ZBTB7C: variants seen among roughly 807,000 people sequenced by gnomAD.
ZBTB7C encodes zinc finger and BTB domain containing 7C, also known as zinc finger and BTB domain-containing protein 7C.
A neutral mutation model predicts 25.7 loss-of-function variants in ZBTB7C; 8 were observed. The observed-to-expected ratio is 0.31, with a 90% CI of 0.18 to 0.56. The LOEUF is 0.56. ZBTB7C is among the 20% of genes least tolerant of loss of function. ZBTB7C has a pLI of 0.91. For synonymous variants in ZBTB7C, 394 were observed against 369.0 expected (o/e 1.07, Z -0.78); for missense variants, 824 against 855.2 (o/e 0.96, Z 0.46).
chr18:48,293,187 G>C (rs781679680), intron 2 of ZBTB7C, among the ~76,000 whole-genome samples: 9 of 152,208 alleles, frequency 5.9e-5, no homozygotes, highest in Non-Finnish European at 1.0e-4. Flanking sequence ...ATTGCTCCCA[G>C]TTCTGAAGGC....
At chr18:48,376,722 G>A (rs984740458) in intron 1 of ZBTB7C, among the ~76,000 whole-genome samples, 3 of 152,188 alleles carry the variant, frequency 2.0e-5, no homozygotes, top group African/African-American at 7.2e-5. Flanking sequence ...TGGCTGTAAG[G>A]CCTGTCCAGC....
At chr18:48,286,721 T>C (rs1296294411) in intron 2 of ZBTB7C, among the ~76,000 whole-genome samples, 1 of 152,118 alleles carries the variant, frequency 6.6e-6, no homozygotes, top group Non-Finnish European at 1.5e-5. Flanking sequence ...AACACCAGCC[T>C]TGCACCTCAA....
intron 4 of ZBTB7C, among the ~76,000 whole-genome samples, chr18:48,031,919 A>G (rs1299203115): frequency 6.6e-6 from 1 of 152,080 alleles, no homozygotes; most frequent in Non-Finnish European, 1.5e-5. Flanking sequence ...GAGTGATGCA[A>G]CTTCCCAGTC....
chr18:48,400,134 ACT>A (rs2048124289), intron 1 of ZBTB7C, among the ~76,000 whole-genome samples: 1 of 152,104 alleles, frequency 6.6e-6, no homozygotes, highest in African/African-American at 2.4e-5. Context: ...TCCAAAACGC[ACT>A]GTTTTAAAAA....
chr18:48,090,330 C>T (rs182220129), intron 3 of ZBTB7C, among the ~76,000 whole-genome samples: 1 of 152,336 alleles, frequency 6.6e-6, no homozygotes, highest in African/African-American at 2.4e-5. Flanking sequence ...GCTCTCCTGC[C>T]TAATCCTGGG....
chr18:48,208,439 T>A (rs2042629346), intron 2 of ZBTB7C, among the ~76,000 whole-genome samples: 1 of 152,092 alleles, frequency 6.6e-6, no homozygotes, highest in African/African-American at 2.4e-5. Flanking sequence ...TTTTTTTCCT[T>A]TTTAAAACCC....
intron 3 of ZBTB7C, among the ~76,000 whole-genome samples, chr18:48,054,031 C>T (rs975309775): frequency 5.9e-5 from 9 of 152,238 alleles, no homozygotes; most frequent in African/African-American, 1.7e-4. Flanking sequence ...AGGGAGTTTG[C>T]GGTGCTGGGT....
At chr18:48,214,425 C>G (rs1176960584) in intron 2 of ZBTB7C, among the ~76,000 whole-genome samples, 5 of 151,982 alleles carry the variant, frequency 3.3e-5, no homozygotes, top group Non-Finnish European at 4.4e-5. Context: ...TTTCACTTAA[C>G]ATAATGTCCT....
intron 3 of ZBTB7C, chr18:48,149,129 TGTGTGTGCGCGCGTGTGTGTGCACGCAC>T (rs1174922296): frequency 2.7e-5 from 4 of 150,236 alleles, no homozygotes; most frequent in Non-Finnish European, 4.4e-5. Flanking sequence ...GGCAGGCCTG[TGTGTGTGCGCGCGTGTGTGTGCACGCAC>T]GTGTGTGCGA....
chr18:48,144,013 C>T (rs1259392204), intron 3 of ZBTB7C, among the ~76,000 whole-genome samples: 1 of 152,200 alleles, frequency 6.6e-6, no homozygotes, highest in East Asian at 1.9e-4. Context: ...AGCGGTGGCT[C>T]ACACCTGTAA....
intron 1 of ZBTB7C, among the ~76,000 whole-genome samples, chr18:48,394,760 A>G (rs934474872): frequency 1.3e-5 from 2 of 152,220 alleles, no homozygotes; most frequent in African/African-American, 2.4e-5. Flanking sequence ...ATCAGAGTAC[A>G]GTGACTAGAT....
At chr18:48,408,957 A>G (rs1599066057) in intron 1 of ZBTB7C, among the ~76,000 whole-genome samples, 2 of 124,558 alleles carry the variant, frequency 1.6e-5, no homozygotes, top group Admixed American at 1.7e-4. Flanking sequence ...CCTCCGTTGC[A>G]TGGCTGCCGC....
intron 2 of ZBTB7C, among the ~76,000 whole-genome samples, chr18:48,215,264 T>A (rs900636500): frequency 2.0e-5 from 3 of 152,168 alleles, no homozygotes; most frequent in African/African-American, 7.2e-5. Flanking sequence ...TTGGTAGGCT[T>A]ACTCCCAGTG....
chr18:48,288,817 C>T (rs1198591824), intron 2 of ZBTB7C, among the ~76,000 whole-genome samples: 4 of 152,260 alleles, frequency 2.6e-5, no homozygotes, highest in East Asian at 1.9e-4. Context: ...TCCCAGCCTC[C>T]AGAAGTGTGA....
intron 2 of ZBTB7C, among the ~76,000 whole-genome samples, chr18:48,275,741 C>A (rs930582613): frequency 2.0e-4 from 31 of 152,298 alleles, no homozygotes; most frequent in African/African-American, 7.5e-4. Context: ...GTAAAGGGCA[C>A]AGAACAGTTC....
chr18:48,355,422 C>A (rs1440871491), intron 1 of ZBTB7C, among the ~76,000 whole-genome samples: 1 of 152,174 alleles, frequency 6.6e-6, no homozygotes, highest in Non-Finnish European at 1.5e-5. Flanking sequence ...GTTCCCAGTT[C>A]GCCACGGAAT....
At chr18:48,158,963 A>G (rs1264577972) in intron 3 of ZBTB7C, among the ~76,000 whole-genome samples, 1 of 152,114 alleles carries the variant, frequency 6.6e-6, no homozygotes, top group African/African-American at 2.4e-5. Context: ...AGAGGAGGGT[A>G]GGGGCTGGGG....
intron 2 of ZBTB7C, among the ~76,000 whole-genome samples, chr18:48,250,751 G>A (rs1418095386): frequency 1.3e-5 from 2 of 151,570 alleles, no homozygotes; most frequent in Non-Finnish European, 2.9e-5. Context: ...CTGACTGTCA[G>A]TCAGGATCTA....
At chr18:48,288,493 CA>C (rs35867063) in intron 2 of ZBTB7C, among the ~76,000 whole-genome samples, 7,270 of 86,336 alleles carry the variant, frequency 0.084, 198 homozygotes, top group Non-Finnish European at 0.11. Flanking sequence ...ACTAAAAGTA[CA>C]AAAAAAAAAA....
Sources: gnomAD v4.1 joint callset for allele counts (sites outside exome capture counted in the v4.1 genomes callset) on GRCh38, gnomAD v4.1.1 for gene constraint, MANE v1.5 for transcripts, NCBI Gene and HGNC (gene_info 2026-07-23, HGNC 2026-07-21) for gene names.